DDR1: variants seen among roughly 807,000 people sequenced by gnomAD.
The protein encoded by DDR1 is epithelial discoidin domain-containing receptor 1.
In DDR1, 64 loss-of-function variants were observed where a neutral mutation model predicts 97.4. The ratio of observed to expected loss-of-function variants is 0.66; its 90% confidence interval spans 0.54 to 0.81. DDR1 has a LOEUF of 0.81. DDR1 is among the 30% of genes least tolerant of loss of function. The probability of loss-of-function intolerance (pLI) is 0.00; values close to 1 mark genes in which losing one functional copy is unlikely to be tolerated. For synonymous variants in DDR1, 458 were observed against 503.7 expected (o/e 0.91, Z 1.21); for missense variants, 990 against 1,259.6 (o/e 0.79, Z 3.24).
chr6:30,889,768 C>T lies in DDR1; in HGVS notation c.417+338C>T, dbSNP rs914480306. Among the ~76,000 whole-genome samples the T allele has an allele frequency of 6.6e-6, 1 of 152,110 alleles. No homozygotes were observed. Among genetic ancestry groups the T allele is most frequent in the African/African-American group, 2.4e-5 (1 of 41,404 alleles). ...ATGTCTAATAGGCATCTCAAACGTA[C>T]GTTTAACTTCCCAAGCTGAATTTGA... On this transcript the variant is annotated intron_variant, in intron 4 of 17. Transcript: ENST00000376568. The surrounding 1 kb of genome is among the most constrained non-coding windows in gnomAD (Gnocchi z 4.9).
In DDR1 at chr6:30,891,549, G is replaced by GTGTGTGTGTT; in HGVS notation, c.665+78_665+79insTTTGTGTGTG. 4.2e-6 allele frequency: 4 copies of GTGTGTGTGTT among 953,834 alleles called. No homozygotes were observed. Among genetic ancestry groups the GTGTGTGTGTT allele is most frequent in the Admixed American group, 2.1e-5 (1 of 48,020 alleles). The allele number at this position is 953,834 out of a possible 1,614,324, so 59.1% of individuals were successfully genotyped here. ...GGACTGTGTGTGTGTGTGTGTGTGT[G>GTGTGTGTGTT]TGTGTGTGAGAGTGTGTGTGTGTAG... is the stretch of plus-strand genomic sequence containing the variant. On this transcript the variant is annotated intron_variant, in intron 6 of 17. Transcript: ENST00000376568. This position sits in a 1 kb window ranked among gnomAD's most constrained non-coding sequence, Gnocchi z 5.3.
intron 10 of DDR1, among the ~76,000 whole-genome samples, 189 bp downstream of exon 10, chr6:30,893,612 C>T (rs1037948455): frequency 6.6e-6 from 1 of 152,358 alleles, no homozygotes; most frequent in Non-Finnish European, 1.5e-5. Context: ...TCTGGGTCTG[C>T]TCAGCGGAGA....
At chr6:30,884,224 C>CGGACGGCT (rs1784890043), upstream of DDR1, 4 of 128,320 alleles carry the variant, frequency 3.1e-5, no homozygotes, top group Admixed American at 1.7e-4. This position sits in a 1 kb window ranked among gnomAD's most constrained non-coding sequence, Gnocchi z 6.1. Flanking sequence ...GGCAGCGGCG[C>CGGACGGCT]GGGCGGCTGG....
intron 1 of DDR1, among the ~76,000 whole-genome samples, chr6:30,887,238 A>G (rs1299481545): frequency 6.6e-6 from 1 of 152,208 alleles, no homozygotes; most frequent in East Asian, 1.9e-4. Flanking sequence ...CATATCCTCA[A>G]CAAGGAATTG....
intron 10 of DDR1, among the ~76,000 whole-genome samples, chr6:30,893,885 G>A (rs1188161210): frequency 6.6e-6 from 1 of 152,218 alleles, no homozygotes; most frequent in Non-Finnish European, 1.5e-5. Context: ...TGGGGTTGGA[G>A]GGGCAAAGGG....
Position 30,900,003 on chromosome 6 carries a change from T to A in DDR1, c.*707T>A, listed in dbSNP as rs747198547. 1.7e-6 allele frequency: 1 copy of A among 592,728 alleles called. No homozygotes were observed. Among genetic ancestry groups the A allele is most frequent in the Non-Finnish European group, 3.3e-6 (1 of 305,660 alleles). The allele number at this position is 592,728 out of a possible 1,614,324, so 36.7% of individuals were successfully genotyped here. A position where few individuals can be genotyped will look rare whatever the true frequency, so the allele number is the denominator to read the frequency against. On this transcript the variant is annotated 3_prime_UTR_variant, in exon 18 of 18. Transcript: ENST00000376568. ...TAGCCTTGGGGTTGGACATCTCTAG[T>A]GTAGCTGCCACATTGATTTTTCTAT... is the stretch of plus-strand genomic sequence containing the variant.
Position 30,894,712 on chromosome 6 carries a change from G to T in DDR1, c.1513+41G>T. On this transcript the variant is annotated intron_variant, in intron 11 of 17. Transcript: ENST00000376568. This position sits in a 1 kb window ranked among gnomAD's most constrained non-coding sequence, Gnocchi z 5.7. ...TTCCAGTCGCACCTCTGTCCTCTCT[G>T]CTGTTTTCTTATTGTATCCCTTTCC... 1 of 1,506,428 alleles carries T rather than the reference G, an allele frequency of 6.6e-7. No homozygotes were observed. The highest frequency in any genetic ancestry group is 8.9e-7 in the Non-Finnish European group (1 of 1,124,526). The allele number at this position is 1,506,428 out of a possible 1,614,324, so 93.3% of individuals were successfully genotyped here. A position where few individuals can be genotyped will look rare whatever the true frequency, so the allele number is the denominator to read the frequency against.
intron 16 of DDR1, 74 bp from the exon 17 acceptor site, chr6:30,898,814 T>C (rs1269341094): frequency 2.9e-5 from 44 of 1,516,114 alleles, no homozygotes; most frequent in Non-Finnish European, 3.8e-5. Flanking sequence ...GATCTGGGGC[T>C]TCCAATAGGA....
chr6:30,892,357 T>C lies in DDR1; in HGVS notation c.914T>C (p.Phe305Ser), dbSNP rs2150354899. 6.3e-7 allele frequency: 1 copy of C among 1,581,628 alleles called. No homozygotes were observed. The highest frequency in any genetic ancestry group is 8.6e-7 in the Non-Finnish European group (1 of 1,164,462). ...ARLPGGVECR[F>S]RRGPAMAWEG... ...CTGCCTGGCGGGGTGGAATGTCGCT[T>C]CCGGCGTGGCCCTGCCATGGCCTGG... is the stretch of plus-strand genomic sequence containing the variant. The change falls in exon 8 of 18, where the codon TTC becomes TCC. Residue 305 changes from phenylalanine (F) to serine (S), a missense_variant. Phe to Ser is a radical substitution (Grantham distance 155, BLOSUM62 -2). Transcript: ENST00000376568.
In DDR1 at chr6:30,888,648, C is replaced by T; in HGVS notation, c.-42-40C>T. On this transcript the variant is annotated intron_variant, in intron 1 of 17. Coordinates refer to ENST00000376568, the MANE Select transcript of DDR1 (RefSeq NM_001297654.2). The surrounding 1 kb of genome is among the most constrained non-coding windows in gnomAD (Gnocchi z 4.2). Reference sequence around the variant, plus strand: ...TGTTGCTGTCAGCTATGACTCAGTCCCCTGATTAACTTACGCACCACCCAT... The same window carrying T: ...TGTTGCTGTCAGCTATGACTCAGTCTCCTGATTAACTTACGCACCACCCAT... 2 of 1,574,316 alleles carry T rather than the reference C, an allele frequency of 1.3e-6. No individual in the cohort carries two copies. Among genetic ancestry groups the T allele is most frequent in the Non-Finnish European group, 1.7e-6 (2 of 1,159,482 alleles).
In DDR1 at chr6:30,890,781, G is replaced by C; in HGVS notation, c.418-192G>C. Reference sequence around the variant, plus strand: ...AGGATGGAACATCAGAGCTGCGACAGAGCCAGAGGTCTCAGCTGCAGATCT... The same window carrying C: ...AGGATGGAACATCAGAGCTGCGACACAGCCAGAGGTCTCAGCTGCAGATCT... On this transcript the variant is annotated intron_variant, in intron 4 of 17. Coordinates refer to ENST00000376568, the MANE Select transcript of DDR1 (RefSeq NM_001297654.2). The surrounding 1 kb of genome is among the most constrained non-coding windows in gnomAD (Gnocchi z 5.0). 1.8e-6 allele frequency: 1 copy of C among 551,454 alleles called. No individual in the cohort carries two copies. Among genetic ancestry groups the C allele is most frequent in the Non-Finnish European group, 3.1e-6 (1 of 324,150 alleles). 34.2% of individuals were successfully genotyped at this position (551,454 alleles called of 1,614,324 possible).
At position 30,888,957 on chromosome 6, in the gene DDR1, T is replaced by C. The variant is rs769952785; in HGVS notation, c.135T>C (p.Ser45=). 42 of 1,612,820 alleles carry C rather than the reference T, an allele frequency of 2.6e-5. 2 individuals carry two copies. The South Asian group carries it at 4.5e-4, about 17-fold the overall frequency. ...LGMQDRTIPD[S]DISASSSWSD... ...TGCAGGACCGGACCATCCCAGACAG[T>C]GACATCTCTGCTTCCAGCTCCTGGT... Residue 45 remains serine (S), a synonymous_variant, in exon 3 of 18, where the codon AGT becomes AGC. Transcript: ENST00000376568. The surrounding 1 kb of genome is among the most constrained non-coding windows in gnomAD (Gnocchi z 4.2).
In DDR1 at chr6:30,899,400, C is replaced by T; in HGVS notation, c.*104C>T. 7.0e-7 allele frequency: 1 copy of T among 1,429,508 alleles called. No homozygotes were observed. The highest frequency in any genetic ancestry group is 1.4e-5 in the South Asian group (1 of 73,082). The allele number at this position is 1,429,508 out of a possible 1,614,324, so 88.6% of individuals were successfully genotyped here. A position where few individuals can be genotyped will look rare whatever the true frequency, so the allele number is the denominator to read the frequency against. ...ACCTCTGCCCTTCCCCTCCCGACAG[C>T]CCATCACCTCTAATAGAGGCAGTGA... is the stretch of plus-strand genomic sequence containing the variant. On this transcript the variant is annotated 3_prime_UTR_variant, in exon 18 of 18. Transcript: ENST00000376568.
rs2150356003 is a variant in DDR1, at chr6:30,892,386, G to A, written c.943G>A (p.Gly315Arg). The A allele has an allele frequency of 1.9e-6, 3 of 1,594,134 alleles. No homozygotes were observed. Among genetic ancestry groups the A allele is most frequent in the Non-Finnish European group, 2.6e-6 (3 of 1,172,796 alleles). The stretch of plus-strand genomic sequence containing the variant: ...GCGTGGCCCTGCCATGGCCTGGGAG[G>A]GGGAGCCCATGCGCCACAACCTAGG... ...FRRGPAMAWE[G>R]EPMRHNLGGN... Residue 315 changes from glycine to arginine, a missense_variant, in exon 8 of 18, where the codon GGG becomes AGG. By Grantham distance (125) the Gly-to-Arg change is moderately radical. Coordinates refer to ENST00000376568, the MANE Select transcript of DDR1 (RefSeq NM_001297654.2).
chr6:30,893,129 G>A lies in DDR1; in HGVS notation c.1161G>A (p.Pro387=), dbSNP rs1228531402. The change falls in exon 9 of 18, where the codon CCG becomes CCA. Residue 387 remains proline (P), a synonymous_variant. Coordinates refer to ENST00000376568, the MANE Select transcript of DDR1 (RefSeq NM_001297654.2). Reference sequence around the variant, plus strand: ...CCTTCCCGCCAGCCCCCTGGTGGCCGCCTGGCCCACCTCCCACCAACTTCA... The same window carrying A: ...CCTTCCCGCCAGCCCCCTGGTGGCCACCTGGCCCACCTCCCACCAACTTCA... ...GGTFPPAPWW[P]PGPPPTNFSS... The A allele has an allele frequency of 1.7e-5, 27 of 1,610,346 alleles. No homozygotes were observed. Among genetic ancestry groups the A allele is most frequent in the South Asian group, 6.6e-5 (6 of 90,968 alleles).
At chr6:30,887,698 T>G (rs1411757274) in intron 1 of DDR1, among the ~76,000 whole-genome samples, 1 of 152,230 alleles carries the variant, frequency 6.6e-6, no homozygotes, top group Non-Finnish European at 1.5e-5. Context: ...CATTCACATA[T>G]CTTACAGATT....
chr6:30,895,061 GTCTT>G (rs922583158), intron 11 of DDR1, among the ~76,000 whole-genome samples: 46 of 151,986 alleles, frequency 3.0e-4, no homozygotes, highest in African/African-American at 9.7e-4. Flanking sequence ...TCCATCATCT[GTCTT>G]TCTATCTATA....
chr6:30,894,821 T>C lies in DDR1; in HGVS notation c.1513+150T>C. On this transcript the variant is annotated intron_variant, in intron 11 of 17. Coordinates refer to ENST00000376568, the MANE Select transcript of DDR1 (RefSeq NM_001297654.2). This position sits in a 1 kb window ranked among gnomAD's most constrained non-coding sequence, Gnocchi z 5.7. ...TGGTTACTGTCTATATCACTCTTTG[T>C]CCCTACCATGTAGTCTCTCTCAAGA... 1.1e-6 allele frequency: 1 copy of C among 883,540 alleles called. No homozygotes were observed. Among genetic ancestry groups the C allele is most frequent in the Non-Finnish European group, 1.6e-6 (1 of 607,260 alleles). 54.7% of individuals were successfully genotyped at this position (883,540 alleles called of 1,614,324 possible).
At position 30,888,895 on chromosome 6, in the gene DDR1, G is replaced by C. The variant is rs2150286671; in HGVS notation, c.86-13G>C. ...GGGGGCCTTGACCTGTTACATGCCT[G>C]CTTTTTACTCAGCCAAGTGCCGCTA... On this transcript the variant is annotated splice_polypyrimidine_tract_variant and intron_variant, in intron 2 of 17. Transcript: ENST00000376568. The surrounding 1 kb of genome is among the most constrained non-coding windows in gnomAD (Gnocchi z 4.2). 1 of 1,612,972 alleles carries C rather than the reference G, an allele frequency of 6.2e-7. No individual in the cohort carries two copies. The highest frequency in any genetic ancestry group is 1.7e-4 in the Middle Eastern group (1 of 6,060).
Sources: allele counts gnomAD v4.1 joint callset (sites outside exome capture counted in the v4.1 genomes callset), GRCh38; gene constraint gnomAD v4.1.1; non-coding constraint Gnocchi (gnomAD v3.1); transcripts MANE v1.5; gene names NCBI Gene and HGNC (gene_info 2026-07-23, HGNC 2026-07-21).